Variants in PCDHA8 observed in about 807,000 individuals in gnomAD.
The protein encoded by PCDHA8 is protocadherin alpha-8.
Under a neutral mutation model 61.8 loss-of-function variants are expected in PCDHA8, and 53 were observed. The observed-to-expected ratio is 0.86, with a 90% CI of 0.69 to 1.08. The LOEUF (loss-of-function observed/expected upper bound fraction) is 1.08, where lower values mean the gene tolerates loss of function less well. Among genes scored for constraint, PCDHA8 ranks in the 50% least tolerant of loss-of-function variants. The probability of loss-of-function intolerance (pLI) is 0.00; values close to 1 mark genes in which losing one functional copy is unlikely to be tolerated. For synonymous variants in PCDHA8, 618 were observed against 556.6 expected (o/e 1.11, Z -1.55); for missense variants, 1,293 against 1,245.0 (o/e 1.04, Z -0.58).
chr5:140,909,690 G>T (rs2074638063), intron 1 of PCDHA8, among the ~76,000 whole-genome samples: 1 of 152,280 alleles, frequency 6.6e-6, no homozygotes, highest in African/African-American at 2.4e-5. Context: ...CAATGTGGGG[G>T]TTCTGCTAGC....
chr5:140,997,711 C>T (rs963457412), intron 3 of PCDHA8, among the ~76,000 whole-genome samples: 4 of 151,080 alleles, frequency 2.6e-5, no homozygotes. Flanking sequence ...TTAACAAACA[C>T]CTTTCTACGT....
At chr5:140,856,077 T>A in intron 1 of PCDHA8, 1 of 1,593,712 alleles carries the variant, frequency 6.3e-7, no homozygotes, top group South Asian at 1.1e-5. Flanking sequence ...TGCCTGGGGG[T>A]CCAGTGTCTG....
At chr5:140,870,456 G>A (rs782212198) in intron 1 of PCDHA8, 15 of 1,614,110 alleles carry the variant, frequency 9.3e-6, no homozygotes, top group South Asian at 5.5e-5. Flanking sequence ...ACGACAATGC[G>A]CCTGCGTTCG....
intron 1 of PCDHA8, among the ~76,000 whole-genome samples, chr5:140,977,260 T>C (rs2096752693): frequency 6.6e-6 from 1 of 152,226 alleles, no homozygotes. Flanking sequence ...TCTCAGCAGA[T>C]GTTACAGTCT....
intron 1 of PCDHA8, chr5:140,877,954 T>C: frequency 7.5e-7 from 1 of 1,334,236 alleles, no homozygotes; most frequent in Non-Finnish European, 9.8e-7. Context: ...ATCGAATGTC[T>C]CATCTTTCTT....
rs1554244374 is a variant in PCDHA8 at position 140,982,509 on chromosome 5, GC to G, written c.2489del (p.Ala830ValfsTer85). ...VHLEEAGILR[A>X]GPGGPDQQWP... is the part of the protein sequence containing the mutation. ...CCTAGAGGAGGCTGGCATTCTACGGGCTGGTCCAGGAGGGCCTGATCAGCAG... is the reference window on the plus strand; with the variant it reads ...CCTAGAGGAGGCTGGCATTCTACGGGTGGTCCAGGAGGGCCTGATCAGCAG... On this transcript the variant is annotated frameshift_variant, in exon 3 of 4. Transcript: ENST00000531613. LOFTEE classifies it high-confidence loss of function. 6.2e-7 allele frequency: 1 copy of G among 1,614,206 alleles called. No homozygotes were observed. Among genetic ancestry groups the G allele is most frequent in the Non-Finnish European group, 8.5e-7 (1 of 1,180,032 alleles).
intron 1 of PCDHA8, among the ~76,000 whole-genome samples, chr5:140,941,621 G>A (rs552509224): frequency 6.6e-6 from 1 of 151,808 alleles, no homozygotes; most frequent in South Asian, 2.1e-4. Context: ...AGCCCATCCT[G>A]CTTCTTAATT....
intron 2 of PCDHA8, among the ~76,000 whole-genome samples, chr5:140,980,886 C>T (rs2096909899): frequency 6.6e-6 from 1 of 152,062 alleles, no homozygotes; most frequent in South Asian, 2.1e-4. Context: ...TCGGTCTTTC[C>T]AGTCTTGGAC....
Position 140,842,871 on chromosome 5 carries a change from T to G in PCDHA8, c.1550T>G (p.Val517Gly). 6.3e-7 allele frequency: 1 copy of G among 1,593,666 alleles called. No individual in the cohort carries two copies. The highest frequency in any genetic ancestry group is 8.6e-7 in the Non-Finnish European group (1 of 1,165,316). The stretch of plus-strand genomic sequence containing the variant: ...TCGGTGCACACGGAGAGCGGCAAGG[T>G]GTACGCGCTGCAGCCGCTGGACCAC... ...YISVHTESGK[V>G]YALQPLDHEE... Residue 517 changes from valine to glycine, a missense_variant, in exon 1 of 4, where the codon GTG (valine) becomes GGG (glycine). Val to Gly is a moderately radical substitution (Grantham distance 109). Coordinates refer to ENST00000531613, the MANE Select transcript of PCDHA8 (RefSeq NM_018911.3).
intron 3 of PCDHA8, among the ~76,000 whole-genome samples, chr5:141,003,696 T>C (rs1554259206): frequency 6.6e-6 from 1 of 152,210 alleles, no homozygotes; most frequent in East Asian, 1.9e-4. Flanking sequence ...AATATATCCC[T>C]ACCAATTGTG....
At chr5:140,876,745 G>T (rs782242909) in intron 1 of PCDHA8, 2 of 1,614,264 alleles carry the variant, frequency 1.2e-6, no homozygotes, top group South Asian at 2.2e-5. Flanking sequence ...TGAGCTGGTG[G>T]TGACTGCGCG....
chr5:140,884,503 A>C (rs782488569), intron 1 of PCDHA8: 82 of 1,613,940 alleles, frequency 5.1e-5, no homozygotes, highest in Middle Eastern at 1.6e-4. Flanking sequence ...CCAGCGCGGC[A>C]GGGAGTTGGT....
rs1554139100 is a variant in PCDHA8 at position 140,842,493 on chromosome 5, C to G, written c.1172C>G (p.Pro391Arg). 6.2e-7 allele frequency: 1 copy of G among 1,613,738 alleles called. No individual in the cohort carries two copies. The highest frequency in any genetic ancestry group is 1.3e-5 in the African/African-American group (1 of 74,850). The change falls in exon 1 of 4, where the codon CCC becomes CGC. Residue 391 changes from proline (P) to arginine (R), a missense_variant. Coordinates refer to ENST00000531613, the MANE Select transcript of PCDHA8 (RefSeq NM_018911.3). ...GGGCAGGTGACCTGCTCCCTGATGC[C>G]CCATGTCCCCTTCAAGCTGGTGTCC... ...ANGQVTCSLM[P>R]HVPFKLVSTF... is the part of the protein sequence containing the mutation.
intron 1 of PCDHA8, among the ~76,000 whole-genome samples, chr5:140,913,069 C>G (rs1249708459): frequency 9.2e-5 from 14 of 152,006 alleles, no homozygotes; most frequent in Non-Finnish European, 1.5e-4. Flanking sequence ...TTTGATGTGT[C>G]ATTGTTTGGT....
chr5:140,850,322 C>G lies in PCDHA8; in HGVS notation c.2394+6607C>G, dbSNP rs2150479524. 264 of 1,597,382 alleles carry G rather than the reference C, an allele frequency of 1.7e-4. 27 individuals are homozygous for G. The highest frequency in any genetic ancestry group is 2.2e-4 in the Non-Finnish European group (252 of 1,167,724). ...CGGGCTACAACGCGTGGCTTTCATA[C>G]GAGCTGCAGCCAGAAACGGCCAGCG... On this transcript the variant is annotated intron_variant, in intron 1 of 3. Coordinates refer to ENST00000531613, the MANE Select transcript of PCDHA8 (RefSeq NM_018911.3).
chr5:140,849,943 A>G lies in PCDHA8; in HGVS notation c.2394+6228A>G, dbSNP rs2150458955. The G allele has an allele frequency of 3.8e-6, 6 of 1,597,666 alleles. 2 individuals carry two copies. In the African/African-American group the frequency reaches 5.4e-5, roughly 14 times the overall value. On this transcript the variant is annotated intron_variant, in intron 1 of 3. Transcript: ENST00000531613. ...TTCACGGTGTCTGCGCGGGACGCTG[A>G]CGCGCAGGAGAACGCCCTGGTGTCC...
chr5:140,928,149 T>G (rs782254175), intron 1 of PCDHA8: 3 of 1,614,194 alleles, frequency 1.9e-6, no homozygotes, highest in Non-Finnish European at 2.5e-6. Context: ...CGGCCTCAGA[T>G]AGTGGCTCAC....
At chr5:140,849,775 C>T (rs369759015) in intron 1 of PCDHA8, 5 of 1,598,318 alleles carry the variant, frequency 3.1e-6, no homozygotes, top group African/African-American at 1.3e-5. Context: ...GTGGTTACCG[C>T]GCGGGACGGG....
At chr5:140,967,056 G>C in intron 1 of PCDHA8, 1 of 1,612,712 alleles carries the variant, frequency 6.2e-7, no homozygotes, top group Non-Finnish European at 8.5e-7. Flanking sequence ...CTGACGAGTG[G>C]AGCGCTCTTC....
Sources: gnomAD v4.1 joint callset for allele counts (sites outside exome capture counted in the v4.1 genomes callset) on GRCh38, gnomAD v4.1.1 for gene constraint, MANE v1.5 for transcripts, NCBI Gene and HGNC (gene_info 2026-07-23, HGNC 2026-07-21) for gene names.